DLGAP1: variants seen among roughly 807,000 people sequenced by gnomAD.
DLGAP1 encodes DLG associated protein 1.
Under a neutral mutation model 90.8 loss-of-function variants are expected in DLGAP1, and 11 were observed. The observed-to-expected ratio is 0.12, with a 90% CI of 0.08 to 0.20. DLGAP1 has a LOEUF of 0.20. Among genes scored for constraint, DLGAP1 ranks in the 10% least tolerant of loss-of-function variants. DLGAP1 has a pLI of 1.00. For missense variants in DLGAP1, 1,050 were observed against 1,333.8 expected (o/e 0.79, Z 3.31); for synonymous variants, 558 against 540.7 (o/e 1.03, Z -0.44).
At chr18:3,915,910 A>C (rs2072132728) in intron 3 of DLGAP1, among the ~76,000 whole-genome samples, 1 of 152,116 alleles carries the variant, frequency 6.6e-6, no homozygotes, top group Non-Finnish European at 1.5e-5. Flanking sequence ...TGGTAGTTCT[A>C]TTTTTAATTT....
intron 3 of DLGAP1, among the ~76,000 whole-genome samples, chr18:3,967,781 T>G (rs565747702): frequency 1.3e-5 from 2 of 152,310 alleles, no homozygotes; most frequent in South Asian, 4.1e-4. Context: ...TTTTAAAAAT[T>G]CGAGTTTATG....
chr18:4,121,725 C>T (rs1047228061), intron 2 of DLGAP1, among the ~76,000 whole-genome samples: 6 of 152,140 alleles, frequency 3.9e-5, no homozygotes, highest in African/African-American at 1.4e-4. Flanking sequence ...TACTGCAAGA[C>T]CCTGTTGCAG....
intron 9 of DLGAP1, among the ~76,000 whole-genome samples, chr18:3,541,817 A>C (rs2144634097): frequency 6.6e-6 from 1 of 152,178 alleles, no homozygotes; most frequent in South Asian, 2.1e-4. Flanking sequence ...GAAGGCTGTG[A>C]GCTTTGATGT....
chr18:4,251,365 T>C (rs7228111), intron 1 of DLGAP1, among the ~76,000 whole-genome samples: 13,672 of 152,190 alleles, frequency 0.09, 2,087 homozygotes, highest in African/African-American at 0.31. Flanking sequence ...AGCACCAGGG[T>C]CAGAGGAGGT....
intron 2 of DLGAP1, among the ~76,000 whole-genome samples, chr18:4,105,964 G>A (rs1204492548): frequency 4.7e-5 from 7 of 149,054 alleles, no homozygotes; most frequent in East Asian, 2.0e-4. Context: ...CCCGGGAGGC[G>A]GAGCTTGCAG....
chr18:3,827,558 C>T (rs962336336), intron 4 of DLGAP1, among the ~76,000 whole-genome samples: 7 of 152,196 alleles, frequency 4.6e-5, no homozygotes, highest in Non-Finnish European at 7.3e-5. Context: ...CAGCAAGATG[C>T]AAACTTCTTG....
intron 7 of DLGAP1, among the ~76,000 whole-genome samples, chr18:3,632,304 C>CT (rs939022218): frequency 0.013 from 1,894 of 141,788 alleles, 33 homozygotes; most frequent in African/African-American, 0.044. Flanking sequence ...TTTTTCTTTT[C>CT]TTTTTTTTTT....
rs1269939557 is a variant in DLGAP1, at chr18:3,952,255, C to T, written c.-73+52861G>A. On this transcript the variant is annotated intron_variant, in intron 3 of 12. Coordinates refer to ENST00000315677, the MANE Select transcript of DLGAP1 (RefSeq NM_004746.4). ...AGGGATGATTTTTTACTGCTTTTAT[C>T]TTTTAATGCCAGATGGGAAAATATC... Among the ~76,000 whole-genome samples the T allele has an allele frequency of 2.6e-5, 4 of 152,178 alleles. No homozygotes were observed. The South Asian group carries it at 8.3e-4, about 32-fold the overall frequency.
rs116117979 is a variant in DLGAP1 at position 3,559,330 on chromosome 18, G to A, written c.2057+8160C>T. Among the ~76,000 whole-genome samples the A allele has an allele frequency of 2.6e-3, 390 of 152,238 alleles. 2 individuals are homozygous for A. Among genetic ancestry groups the A allele is most frequent in the African/African-American group, 9.0e-3 (373 of 41,540 alleles). On this transcript the variant is annotated intron_variant, in intron 9 of 12. Transcript: ENST00000315677. Reference sequence around the variant, plus strand: ...AGTGTGTTTATGTAAAATTAAATGAGCGCTGACAGCCAGCTGCACATTTTT... The same window carrying A: ...AGTGTGTTTATGTAAAATTAAATGAACGCTGACAGCCAGCTGCACATTTTT...
chr18:3,778,809 A>G (rs2065051140), intron 5 of DLGAP1, among the ~76,000 whole-genome samples: 12 of 152,208 alleles, frequency 7.9e-5, no homozygotes, highest in Admixed American at 7.9e-4. Flanking sequence ...ATGGATAAGC[A>G]GAGGGGATGA....
intron 7 of DLGAP1, among the ~76,000 whole-genome samples, chr18:3,726,269 T>C (rs536497030): frequency 4.6e-5 from 7 of 152,332 alleles, no homozygotes; most frequent in African/African-American, 1.4e-4. Flanking sequence ...ATTTCTCAAT[T>C]TTCATAGATG....
At chr18:4,148,744 A>G (rs2076626867) in intron 2 of DLGAP1, among the ~76,000 whole-genome samples, 1 of 151,880 alleles carries the variant, frequency 6.6e-6, no homozygotes, top group African/African-American at 2.4e-5. Context: ...TCACGAGGAA[A>G]TCTGCATGCA....
intron 1 of DLGAP1, among the ~76,000 whole-genome samples, chr18:4,419,346 G>A (rs1262261329): frequency 6.6e-6 from 1 of 152,126 alleles, no homozygotes; most frequent in Non-Finnish European, 1.5e-5. Context: ...TGGGTACACA[G>A]TGCCAAACCA....
intron 1 of DLGAP1, among the ~76,000 whole-genome samples, chr18:4,433,650 G>A (rs1042384200): frequency 2.6e-5 from 4 of 152,134 alleles, no homozygotes; most frequent in Non-Finnish European, 5.9e-5. Flanking sequence ...CTAATGATGG[G>A]TTGAGAGCAA....
chr18:3,504,376 A>T (rs924705030), intron 11 of DLGAP1, among the ~76,000 whole-genome samples: 1 of 152,036 alleles, frequency 6.6e-6, no homozygotes, highest in African/African-American at 2.4e-5. Flanking sequence ...AAATTTATAG[A>T]TATATCTGTT....
At chr18:3,881,640 G>A (rs1341061933) in intron 3 of DLGAP1, among the ~76,000 whole-genome samples, 7 of 152,230 alleles carry the variant, frequency 4.6e-5, no homozygotes, top group African/African-American at 1.2e-4. Flanking sequence ...TGAGCCGGGC[G>A]CGGTGGCTCA....
intron 1 of DLGAP1, among the ~76,000 whole-genome samples, chr18:4,213,046 T>C (rs1473239743): frequency 6.6e-6 from 1 of 152,208 alleles, no homozygotes; most frequent in African/African-American, 2.4e-5. Context: ...ATTACTTTCA[T>C]TTGTTTGCTT....
At chr18:3,913,833 T>C (rs1028771915) in intron 3 of DLGAP1, among the ~76,000 whole-genome samples, 4 of 152,196 alleles carry the variant, frequency 2.6e-5, no homozygotes, top group African/African-American at 9.7e-5. Context: ...ACAAGGAACA[T>C]TACATGAAAC....
chr18:3,807,529 G>C lies in DLGAP1; in HGVS notation c.1172+6530C>G, dbSNP rs1251061178. Among the ~76,000 whole-genome samples the C allele has an allele frequency of 3.9e-5, 6 of 152,122 alleles. No homozygotes were observed. In the East Asian group the frequency reaches 1.2e-3, roughly 29 times the overall value. On this transcript the variant is annotated intron_variant, in intron 5 of 12. Coordinates refer to ENST00000315677, the MANE Select transcript of DLGAP1 (RefSeq NM_004746.4). ...GATCAAAAGAAAACACGTATGTAAA[G>C]CCCGTAGCACTCAGTCAGGCACTTA...
Sources: gnomAD v4.1 joint callset for allele counts (sites outside exome capture counted in the v4.1 genomes callset) on GRCh38, gnomAD v4.1.1 for gene constraint, MANE v1.5 for transcripts, NCBI Gene and HGNC (gene_info 2026-07-23, HGNC 2026-07-21) for gene names.